RBFOX3: variants seen among roughly 807,000 people sequenced by gnomAD.
The protein encoded by RBFOX3 is RNA binding fox-1 homolog 3, also known as RNA binding protein fox-1 homolog 3.
RBFOX3 carries 17 observed loss-of-function variants against 48.7 expected under a neutral mutation model. That is an observed-to-expected ratio of 0.35 (90% CI 0.24 to 0.52). RBFOX3 has a LOEUF of 0.52. RBFOX3 is among the 20% of genes least tolerant of loss of function. The pLI is 0.94. For missense variants in RBFOX3, 382 were observed against 497.5 expected, an observed-to-expected ratio of 0.77 and a Z score of 2.21; for synonymous variants, 212 against 209.5, an observed-to-expected ratio of 1.01 and a Z score of -0.10.
At chr17:79,179,404 T>G (rs1472675311) in intron 4 of RBFOX3, among the ~76,000 whole-genome samples, 2 of 152,142 alleles carry the variant, frequency 1.3e-5, no homozygotes, top group Non-Finnish European at 2.9e-5. Flanking sequence ...GATGTTTACC[T>G]CAGCAAGGGA....
chr17:79,241,780 G>C (rs2062416178), intron 3 of RBFOX3, among the ~76,000 whole-genome samples: 1 of 152,218 alleles, frequency 6.6e-6, no homozygotes. Context: ...CTGGCTTGCA[G>C]ACAGCCGCCT....
At chr17:79,222,877 G>A (rs2059898165) in intron 4 of RBFOX3, among the ~76,000 whole-genome samples, 1 of 152,206 alleles carries the variant, frequency 6.6e-6, no homozygotes, top group Non-Finnish European at 1.5e-5. Flanking sequence ...GGGAGCACAG[G>A]GTGAGAAAGA....
intron 3 of RBFOX3, among the ~76,000 whole-genome samples, chr17:79,265,730 C>A (rs1032892250): frequency 1.3e-5 from 2 of 152,198 alleles, no homozygotes; most frequent in Non-Finnish European, 2.9e-5. Context: ...TAGGTGAATT[C>A]TCTCCCATTC....
At chr17:79,293,604 C>T (rs1012496819) in intron 3 of RBFOX3, among the ~76,000 whole-genome samples, 2 of 152,028 alleles carry the variant, frequency 1.3e-5, no homozygotes, top group Non-Finnish European at 1.5e-5. Flanking sequence ...AGACTTGCAC[C>T]ACCATGCCTG....
chr17:79,585,030 G>A (rs1293021265), intron 1 of RBFOX3, among the ~76,000 whole-genome samples: 2 of 151,966 alleles, frequency 1.3e-5, no homozygotes, highest in Middle Eastern at 3.2e-3. Context: ...CTCCCAAAGC[G>A]CTGGGATTAC....
At chr17:79,628,629 G>C in the RBFOX3 span, among the ~76,000 whole-genome samples, 1 of 152,126 alleles carries the variant, frequency 6.6e-6, no homozygotes, top group Non-Finnish European at 1.5e-5. Context: ...ACCATGTTTT[G>C]TAGCCAGCAC....
At chr17:79,467,761 C>T (rs2076508150) in intron 2 of RBFOX3, among the ~76,000 whole-genome samples, 2 of 152,168 alleles carry the variant, frequency 1.3e-5, no homozygotes, top group South Asian at 4.1e-4. Context: ...CCTGGGATCA[C>T]TATGGTCTTT....
chr17:79,553,749 G>GTCTCTC lies in RBFOX3; in HGVS notation c.-320+57071_-320+57076dup, dbSNP rs1164746364. Among the ~76,000 whole-genome samples, 228 of 149,766 alleles carry GTCTCTC rather than the reference G, an allele frequency of 1.5e-3. 1 individual carries two copies. Among genetic ancestry groups the GTCTCTC allele is most frequent in the African/African-American group, 4.6e-3 (188 of 41,018 alleles). On this transcript the variant is annotated intron_variant, in intron 1 of 14. Transcript: ENST00000693108. ...TGTTTGTTTTCGTTTTTGAGACAGA[G>GTCTCTC]TCTCTCTCTCTCTCTCTCTGTTGCC...
intron 2 of RBFOX3, among the ~76,000 whole-genome samples, chr17:79,401,190 A>G (rs1158605026): frequency 1.3e-5 from 2 of 152,190 alleles, no homozygotes; most frequent in Non-Finnish European, 2.9e-5. Flanking sequence ...CGATCAAAGG[A>G]AAGATAAGAA....
Position 79,391,387 on chromosome 17 carries a change from T to C in RBFOX3, c.-174-83563A>G, listed in dbSNP as rs1293575780. ...CAAGCTTCAGCTCTCCTTCCCACGA[T>C]TGGTGAACACTCGGGCAGGTTACCT... On this transcript the variant is annotated intron_variant, in intron 2 of 14. Coordinates refer to ENST00000693108, the MANE Select transcript of RBFOX3 (RefSeq NM_001350451.2). This position sits in a 1 kb window ranked among gnomAD's most constrained non-coding sequence, Gnocchi z 5.0. Among the ~76,000 whole-genome samples the C allele has an allele frequency of 6.6e-6, 1 of 152,126 alleles. No homozygotes were observed. Among genetic ancestry groups the C allele is most frequent in the South Asian group, 2.1e-4 (1 of 4,820 alleles).
At chr17:79,409,126 T>C (rs537980429) in intron 2 of RBFOX3, among the ~76,000 whole-genome samples, 49 of 152,346 alleles carry the variant, frequency 3.2e-4, no homozygotes, top group Admixed American at 1.8e-3. Context: ...CCACCCCTTC[T>C]GCTGAGCACA....
chr17:79,662,084 A>AT, the RBFOX3 span, among the ~76,000 whole-genome samples: 13 of 144,170 alleles, frequency 9.0e-5, no homozygotes, highest in East Asian at 4.1e-4. Context: ...TAGAAGACAG[A>AT]TTTTTTTTTG....
At chr17:79,228,457 A>AAC (rs982832067) in intron 4 of RBFOX3, among the ~76,000 whole-genome samples, 1 of 151,972 alleles carries the variant, frequency 6.6e-6, no homozygotes, top group Non-Finnish European at 1.5e-5. Flanking sequence ...CTTCCACACA[A>AAC]ACACACACAC....
intron 1 of RBFOX3, among the ~76,000 whole-genome samples, chr17:79,577,000 C>A (rs2092884836): frequency 6.6e-6 from 1 of 152,042 alleles, no homozygotes; most frequent in Non-Finnish European, 1.5e-5. Flanking sequence ...ACCCAGACCC[C>A]AAAGACCTGA....
At chr17:79,511,602 A>C (rs2084210545) in intron 1 of RBFOX3, among the ~76,000 whole-genome samples, 1 of 152,144 alleles carries the variant, frequency 6.6e-6, no homozygotes, top group South Asian at 2.1e-4. Flanking sequence ...GTGAGAATTT[A>C]TCTGTCAGGC....
intron 2 of RBFOX3, among the ~76,000 whole-genome samples, chr17:79,414,464 T>G (rs1163519380): frequency 2.0e-5 from 3 of 152,216 alleles, no homozygotes; most frequent in Non-Finnish European, 2.9e-5. Flanking sequence ...TATTTCCATA[T>G]GCAAATGCGG....
At chr17:79,525,207 C>T (rs1167100509) in intron 1 of RBFOX3, among the ~76,000 whole-genome samples, 1 of 152,110 alleles carries the variant, frequency 6.6e-6, no homozygotes, top group Non-Finnish European at 1.5e-5. Context: ...TCTCTGGGCC[C>T]CTCCCACTGG....
chr17:79,383,817 C>G (rs1568152395), intron 2 of RBFOX3, among the ~76,000 whole-genome samples: 2 of 152,308 alleles, frequency 1.3e-5, no homozygotes, highest in East Asian at 1.9e-4. Context: ...CCGGGAGATG[C>G]TGCTGGAAGA....
At chr17:79,331,264 G>A (rs570795618) in intron 2 of RBFOX3, among the ~76,000 whole-genome samples, 42 of 152,264 alleles carry the variant, frequency 2.8e-4, no homozygotes, top group African/African-American at 7.2e-4. Context: ...TTCCCCTGCC[G>A]TTTGCCTTTC....
Sources: allele counts gnomAD v4.1 joint callset (sites outside exome capture counted in the v4.1 genomes callset), GRCh38; gene constraint gnomAD v4.1.1; non-coding constraint Gnocchi (gnomAD v3.1); transcripts MANE v1.5; gene names NCBI Gene and HGNC (gene_info 2026-07-23, HGNC 2026-07-21).